The following ACYP2 variants were observed in gnomAD, a reference collection of about 807,000 sequenced individuals.
ACYP2 encodes the protein acylphosphatase-2.
A neutral mutation model predicts 11.2 loss-of-function variants in ACYP2; 12 were observed. That is an observed-to-expected ratio of 1.08 (90% CI 0.69 to 1.74). The LOEUF (loss-of-function observed/expected upper bound fraction) is 1.74, where lower values mean the gene tolerates loss of function less well. Among genes scored for constraint, ACYP2 ranks in the 40% most tolerant of loss-of-function variants. The pLI, the probability that ACYP2 is intolerant of heterozygous loss-of-function variation, is 0.00. For synonymous variants in ACYP2, 43 were observed against 32.2 expected (o/e 1.33, Z -1.13); for missense variants, 134 against 101.9 (o/e 1.31, Z -1.35).
intron 2 of ACYP2, among the ~76,000 whole-genome samples, chr2:54,034,503 A>G (rs1326150520): frequency 6.6e-6 from 1 of 152,218 alleles, no homozygotes; most frequent in Non-Finnish European, 1.5e-5. Context: ...TTTGTAACCT[A>G]GGAGTGATAG....
chr2:54,276,035 C>G (rs939386729), intron 6 of ACYP2, among the ~76,000 whole-genome samples: 1 of 151,974 alleles, frequency 6.6e-6, no homozygotes, highest in Non-Finnish European at 1.5e-5. Context: ...CATGTTTATC[C>G]TTTCTATCCT....
At chr2:53,994,609 C>T (rs1456577088) in intron 2 of ACYP2, among the ~76,000 whole-genome samples, 1 of 151,624 alleles carries the variant, frequency 6.6e-6, no homozygotes, top group Non-Finnish European at 1.5e-5. Flanking sequence ...CGTGGAAATG[C>T]TTCAACCTCT....
chr2:54,177,901 C>CTTTTTTTTTT lies in ACYP2; in HGVS notation c.404+39156_404+39157insTTTTTTTTTT, dbSNP rs1241070377. On this transcript the variant is annotated intron_variant, in intron 6 of 6. Coordinates refer to ENST00000607452, the MANE Select transcript of ACYP2 (RefSeq NM_001320586.2). ...GGCCTCCTGTTTCTTTTCTTTCTTT[C>CTTTTTTTTTT]TTTATTTTTTTTTTTTTTTTTGAGA... Among the ~76,000 whole-genome samples the CTTTTTTTTTT allele has an allele frequency of 1.6e-5, 2 of 124,044 alleles. 1 individual carries two copies. Among genetic ancestry groups the CTTTTTTTTTT allele is most frequent in the Non-Finnish European group, 3.2e-5 (2 of 62,960 alleles). 81.4% of individuals were successfully genotyped at this position (124,044 alleles called of 152,430 possible).
chr2:54,043,219 T>C (rs1012174537), intron 2 of ACYP2, among the ~76,000 whole-genome samples: 1 of 152,194 alleles, frequency 6.6e-6, no homozygotes, highest in Non-Finnish European at 1.5e-5. Flanking sequence ...GGATGGCAAG[T>C]ATAATATATC....
intron 6 of ACYP2, among the ~76,000 whole-genome samples, chr2:54,155,006 G>T (rs1017666964): frequency 6.6e-6 from 1 of 152,002 alleles, no homozygotes; most frequent in Non-Finnish European, 1.5e-5. Context: ...ATTTAGTATT[G>T]GTAGGTTATA....
intron 6 of ACYP2, among the ~76,000 whole-genome samples, chr2:54,237,817 T>C (rs1453088110): frequency 1.3e-5 from 2 of 152,162 alleles, no homozygotes; most frequent in African/African-American, 2.4e-5. Flanking sequence ...GTCATTATCT[T>C]CTTGAATATG....
At chr2:54,078,723 C>T (rs949922934) in intron 4 of ACYP2, among the ~76,000 whole-genome samples, 5 of 151,912 alleles carry the variant, frequency 3.3e-5, no homozygotes, top group Non-Finnish European at 7.4e-5. Flanking sequence ...CCTCCGCCTC[C>T]AGAGTAGCTG....
chr2:54,034,661 T>G (rs1010407939), intron 2 of ACYP2, among the ~76,000 whole-genome samples: 22 of 152,140 alleles, frequency 1.4e-4, no homozygotes, highest in African/African-American at 5.3e-4. Flanking sequence ...GACAGTATAT[T>G]TACAACAGGG....
intron 6 of ACYP2, among the ~76,000 whole-genome samples, chr2:54,290,557 G>T (rs533167645): frequency 6.7e-6 from 1 of 150,064 alleles, no homozygotes; most frequent in Non-Finnish European, 1.5e-5. Flanking sequence ...AAAAACTAGG[G>T]TGGGGACATA....
chr2:54,165,375 A>G (rs759310964), intron 6 of ACYP2, among the ~76,000 whole-genome samples: 30 of 152,236 alleles, frequency 2.0e-4, no homozygotes, highest in Middle Eastern at 3.4e-3. Flanking sequence ...CTGGCCATTC[A>G]TTGTTAGTTA....
rs1379487309 is a variant in ACYP2 at position 54,049,661 on chromosome 2, T to TC, written c.63-1291dup. Reference sequence around the variant, plus strand: ...TCCTTGCCCCTCTGCTGCTTCTTACTCCCCCCAAACAACTATGAGTACTTT... The same window carrying TC: ...TCCTTGCCCCTCTGCTGCTTCTTACTCCCCCCCAAACAACTATGAGTACTTT... On this transcript the variant is annotated intron_variant, in intron 2 of 6. Transcript: ENST00000607452. 6.6e-5 allele frequency among the ~76,000 whole-genome samples: 10 copies of TC among 152,128 alleles called. No individual in the cohort carries two copies. The East Asian group carries it at 9.6e-4, about 15-fold the overall frequency.
intron 5 of ACYP2, 94 bp downstream of exon 2, chr2:54,135,563 ACTGTTTACTCC>A (rs1434413148): frequency 1.0e-6 from 1 of 985,932 alleles, no homozygotes; most frequent in Non-Finnish European, 1.5e-6. Flanking sequence ...GCGCTAGTCT[ACTGTTTACTCC>A]CTGTCCTTGA....
chr2:54,201,630 T>TC lies in ACYP2; in HGVS notation c.404+62882_404+62883insC, dbSNP rs1558608697. Among the ~76,000 whole-genome samples, 9 of 90,584 alleles carry TC rather than the reference T, an allele frequency of 9.9e-5. No individual in the cohort carries two copies. The East Asian group carries it at 3.9e-3, about 39-fold the overall frequency. The allele number at this position is 90,584 out of a possible 152,430, so 59.4% of individuals were successfully genotyped here. A position where few individuals can be genotyped will look rare whatever the true frequency, so the allele number is the denominator to read the frequency against. On this transcript the variant is annotated intron_variant, in intron 6 of 6. Transcript: ENST00000607452. ...TTTCTTTCTTTCTTTCTTTGTTTCT[T>TC]TCTTTCTCTTTCTTTCTTTCTTTCT... is the stretch of plus-strand genomic sequence containing the variant.
At chr2:54,284,295 A>T (rs1688983685) in intron 6 of ACYP2, among the ~76,000 whole-genome samples, 1 of 152,192 alleles carries the variant, frequency 6.6e-6, no homozygotes, top group African/African-American at 2.4e-5. Flanking sequence ...TCTCCCATGG[A>T]GCCTGGACAA....
chr2:54,182,762 T>A (rs1311569423), intron 6 of ACYP2, among the ~76,000 whole-genome samples: 1 of 152,202 alleles, frequency 6.6e-6, no homozygotes, highest in Non-Finnish European at 1.5e-5. Context: ...TTTAGAACAG[T>A]TTGTTTAACC....
intron 6 of ACYP2, among the ~76,000 whole-genome samples, chr2:54,300,007 A>G (rs944825640): frequency 1.3e-5 from 2 of 152,108 alleles, no homozygotes; most frequent in African/African-American, 4.8e-5. Flanking sequence ...CCTCCACCCC[A>G]CTTATTCTCA....
intron 4 of ACYP2, among the ~76,000 whole-genome samples, chr2:54,091,076 C>T (rs1453029174): frequency 6.6e-6 from 1 of 152,180 alleles, no homozygotes; most frequent in East Asian, 1.9e-4. Flanking sequence ...TAATGTTTCT[C>T]AACACCTACA....
chr2:54,197,219 G>T (rs537254432), intron 6 of ACYP2, among the ~76,000 whole-genome samples: 1 of 152,134 alleles, frequency 6.6e-6, no homozygotes, highest in Admixed American at 6.5e-5. Context: ...GCTAATACAG[G>T]AGTTGATGTT....
At chr2:54,000,237 A>C (rs1672741437) in intron 2 of ACYP2, among the ~76,000 whole-genome samples, 1 of 152,160 alleles carries the variant, frequency 6.6e-6, no homozygotes, top group African/African-American at 2.4e-5. Flanking sequence ...AGAAAAAGCT[A>C]TTCCCCAGAC....
Sources: gnomAD v4.1 joint callset for allele counts (sites outside exome capture counted in the v4.1 genomes callset) on GRCh38, gnomAD v4.1.1 for gene constraint, MANE v1.5 for transcripts, NCBI Gene and HGNC (gene_info 2026-07-23, HGNC 2026-07-21) for gene names.